The following LIMCH1 variants were observed in gnomAD, a reference collection of about 807,000 sequenced individuals.
LIMCH1 encodes LIM and calponin homology domains-containing protein 1.
A neutral mutation model predicts 176.5 loss-of-function variants in LIMCH1; 113 were observed. The ratio of observed to expected loss-of-function variants is 0.64; its 90% CI spans 0.55 to 0.75. The LOEUF is 0.75. LIMCH1 is among the 30% of genes least tolerant of loss of function. The pLI is 0.00. For synonymous variants in LIMCH1, 619 were observed against 645.9 expected, an observed-to-expected ratio of 0.96 and a Z score of 0.63; for missense variants, 1,674 against 1,814.9, an observed-to-expected ratio of 0.92 and a Z score of 1.41.
chr4:41,555,665 AT>A (rs963620406), intron 1 of LIMCH1, among the ~76,000 whole-genome samples: 3 of 151,910 alleles, frequency 2.0e-5, no homozygotes, highest in South Asian at 2.1e-4. Context: ...ACAAACAAGA[AT>A]TTTTTTTTCT....
At chr4:41,529,130 C>T (rs1315309367) in intron 3 of LIMCH1, among the ~76,000 whole-genome samples, 2 of 152,082 alleles carry the variant, frequency 1.3e-5, no homozygotes, top group African/African-American at 4.8e-5. Context: ...AAATGCTGCA[C>T]TTCAGTCTGC....
intron 2 of LIMCH1, among the ~76,000 whole-genome samples, chr4:41,494,879 A>G (rs1013618285): frequency 1.3e-5 from 2 of 152,182 alleles, no homozygotes; most frequent in African/African-American, 4.8e-5. Flanking sequence ...CTGTGCATCA[A>G]TTTGAGCCCA....
At chr4:41,382,411 T>C (rs1285471411) in intron 1 of LIMCH1, among the ~76,000 whole-genome samples, 2 of 151,922 alleles carry the variant, frequency 1.3e-5, no homozygotes, top group Non-Finnish European at 2.9e-5. Context: ...AGGGGTGCTG[T>C]CAGAGGTTTT....
intron 18 of LIMCH1, among the ~76,000 whole-genome samples, chr4:41,657,171 C>T (rs1486548425): frequency 6.6e-6 from 1 of 152,224 alleles, no homozygotes; most frequent in Admixed American, 6.5e-5. Flanking sequence ...TGCTCTCATT[C>T]ATTCACGTCC....
intron 17 of LIMCH1, among the ~76,000 whole-genome samples, chr4:41,650,023 T>C (rs960965007): frequency 6.6e-6 from 1 of 152,128 alleles, no homozygotes; most frequent in Non-Finnish European, 1.5e-5. Flanking sequence ...ACAGTCAAGG[T>C]TGTGGAATAG....
chr4:41,382,981 A>C (rs2055927641), intron 1 of LIMCH1, among the ~76,000 whole-genome samples: 1 of 152,146 alleles, frequency 6.6e-6, no homozygotes, highest in South Asian at 2.1e-4. Context: ...TTAAGAGGTG[A>C]GGTCTTGCCA....
intron 22 of LIMCH1, among the ~76,000 whole-genome samples, chr4:41,675,167 T>C (rs2095173621): frequency 6.6e-6 from 1 of 152,202 alleles, no homozygotes; most frequent in Admixed American, 6.5e-5. Context: ...TTCTAAATAT[T>C]GATGAAGTTA....
At chr4:41,697,031 G>A (rs1329387928) in intron 31 of LIMCH1, 129 bp from the exon 32 acceptor site, 1 of 853,472 alleles carries the variant, frequency 1.2e-6, no homozygotes, top group African/African-American at 1.7e-5. Context: ...AGCAGGATGG[G>A]AGAAGTTTCT....
chr4:41,658,006 A>T (rs2094509169), intron 18 of LIMCH1, among the ~76,000 whole-genome samples: 1 of 152,214 alleles, frequency 6.6e-6, no homozygotes, highest in African/African-American at 2.4e-5. Flanking sequence ...CCTCTCATGT[A>T]TCAAAACCTC....
chr4:41,471,909 C>A (rs2067010713), intron 1 of LIMCH1, among the ~76,000 whole-genome samples: 2 of 152,174 alleles, frequency 1.3e-5, no homozygotes, highest in African/African-American at 4.8e-5. Flanking sequence ...CTCTTTAATA[C>A]CCTACTCTCA....
At chr4:41,464,042 A>G (rs1232492878) in intron 1 of LIMCH1, among the ~76,000 whole-genome samples, 2 of 151,800 alleles carry the variant, frequency 1.3e-5, no homozygotes, top group Non-Finnish European at 1.5e-5. Context: ...TTGAAACCCA[A>G]ATCTTATTTT....
At chr4:41,488,139 G>T (rs1343957070) in intron 1 of LIMCH1, among the ~76,000 whole-genome samples, 1 of 152,122 alleles carries the variant, frequency 6.6e-6, no homozygotes, top group African/African-American at 2.4e-5. Context: ...GCTAAACTTT[G>T]TTGGGCTGTC....
At chr4:41,656,129 G>C (rs2094457995) in intron 18 of LIMCH1, among the ~76,000 whole-genome samples, 1 of 152,170 alleles carries the variant, frequency 6.6e-6, no homozygotes, top group Non-Finnish European at 1.5e-5. Flanking sequence ...AGGTAGGTCT[G>C]TTTTTCCCAT....
intron 1 of LIMCH1, among the ~76,000 whole-genome samples, chr4:41,562,575 A>G (rs2082205034): frequency 6.6e-6 from 1 of 152,184 alleles, no homozygotes. Context: ...GACTTTAAAA[A>G]TTGTGCTGAT....
At chr4:41,592,360 A>G (rs968691188) in intron 1 of LIMCH1, among the ~76,000 whole-genome samples, 6 of 152,204 alleles carry the variant, frequency 3.9e-5, no homozygotes, top group African/African-American at 1.4e-4. Flanking sequence ...CTACCCTCCA[A>G]ATGAACTTTT....
intron 1 of LIMCH1, among the ~76,000 whole-genome samples, chr4:41,572,383 T>C (rs1483936623): frequency 1.6e-4 from 25 of 152,026 alleles, no homozygotes; most frequent in Admixed American, 1.6e-3. Context: ...TACATTTTAG[T>C]GTCCAAGATT....
chr4:41,580,248 T>C (rs2085193922), intron 1 of LIMCH1, among the ~76,000 whole-genome samples: 1 of 152,210 alleles, frequency 6.6e-6, no homozygotes, highest in Non-Finnish European at 1.5e-5. Flanking sequence ...GAACGTGTAC[T>C]GTCCCTCTCC....
intron 6 of LIMCH1, 46 bp from the exon 7 acceptor site, chr4:41,620,378 C>A (rs762096361): frequency 5.0e-5 from 75 of 1,513,408 alleles, no homozygotes; most frequent in Non-Finnish European, 7.9e-6. Context: ...GTCTGCTCCC[C>A]AGCCCAGTCT....
At chr4:41,470,842 C>T (rs1442222360) in intron 1 of LIMCH1, among the ~76,000 whole-genome samples, 1 of 151,938 alleles carries the variant, frequency 6.6e-6, no homozygotes, top group Admixed American at 6.6e-5. Context: ...TTCGTTCTCT[C>T]TCTTATTTCT....
Sources: allele counts gnomAD v4.1 joint callset (sites outside exome capture counted in the v4.1 genomes callset), GRCh38; gene constraint gnomAD v4.1.1; transcripts MANE v1.5; gene names NCBI Gene and HGNC (gene_info 2026-07-23, HGNC 2026-07-21).